The following DNAAF9 variants were observed in gnomAD, a reference collection of about 807,000 sequenced individuals.
The protein encoded by DNAAF9 is shulin.
In DNAAF9, 90 loss-of-function variants were observed where a neutral mutation model predicts 167.0. That is an observed-to-expected ratio of 0.54 (90% CI 0.45 to 0.64). The LOEUF (loss-of-function observed/expected upper bound fraction) is 0.64, where lower values mean the gene tolerates loss of function less well. DNAAF9 is among the 30% of genes least tolerant of loss of function. DNAAF9 has a pLI of 0.00. For synonymous variants in DNAAF9, 491 were observed against 508.8 expected (o/e 0.96, Z 0.47); for missense variants, 1,315 against 1,442.2 (o/e 0.91, Z 1.43).
chr20:3,285,367 G>A lies in DNAAF9; in HGVS notation c.2486+2265C>T, dbSNP rs2068833116. Among the ~76,000 whole-genome samples the A allele has an allele frequency of 2.0e-5, 3 of 150,974 alleles. No homozygotes were observed. The South Asian group carries it at 6.3e-4, about 32-fold the overall frequency. ...TTCGAGACCAGCCTGGGCAACATAG[G>A]GAGACCCATCTCTAAAAACAAAGGC... On this transcript the variant is annotated intron_variant, in intron 27 of 36. Transcript: ENST00000252032.
At chr20:3,258,585 G>A (rs1415387372) in intron 33 of DNAAF9, among the ~76,000 whole-genome samples, 1 of 152,086 alleles carries the variant, frequency 6.6e-6, no homozygotes, top group Non-Finnish European at 1.5e-5. Flanking sequence ...TCTCCTCATT[G>A]GCTGGATGCA....
rs386393120 is a variant in DNAAF9 at position 3,268,897 on chromosome 20, C to CTTTTTTTTTTTTTTTTTTTTTTTTTT, written c.2786+1529_2786+1530insAAAAAAAAAAAAAAAAAAAAAAAAAA. On this transcript the variant is annotated intron_variant, in intron 30 of 36. Coordinates refer to ENST00000252032, the MANE Select transcript of DNAAF9 (RefSeq NM_001009984.3). Reference sequence around the variant, plus strand: ...GTAAAGAGATAATATCTCTATGTTACTTTTTTTTTTTTTTTTTTTTTTTTG... The same window carrying CTTTTTTTTTTTTTTTTTTTTTTTTTT: ...GTAAAGAGATAATATCTCTATGTTACTTTTTTTTTTTTTTTTTTTTTTTTTTTTTTTTTTTTTTTTTTTTTTTTTTG... Among the ~76,000 whole-genome samples, 17 of 85,844 alleles carry CTTTTTTTTTTTTTTTTTTTTTTTTTT rather than the reference C, an allele frequency of 2.0e-4. 1 individual carries two copies. The highest frequency in any genetic ancestry group is 3.4e-4 in the Non-Finnish European group (16 of 46,588). 56.3% of individuals were successfully genotyped at this position (85,844 alleles called of 152,430 possible). A position where few individuals can be genotyped will look rare whatever the true frequency, so the allele number is the denominator to read the frequency against.
chr20:3,287,569 A>G, intron 27 of DNAAF9, 63 bp downstream of exon 27: 2 of 1,513,744 alleles, frequency 1.3e-6, no homozygotes, highest in African/African-American at 2.7e-5. Flanking sequence ...TACACATAAA[A>G]TAAGAGTAAT....
chr20:3,331,577 C>G (rs541341274), intron 11 of DNAAF9, among the ~76,000 whole-genome samples: 5 of 152,290 alleles, frequency 3.3e-5, no homozygotes, highest in African/African-American at 1.2e-4. Flanking sequence ...TCCTAAGTAC[C>G]CTTTTATTAT....
Position 3,318,184 on chromosome 20 carries a change from T to A in DNAAF9, c.1468+105A>T, listed in dbSNP as rs2123038410. The A allele has an allele frequency of 9.9e-6, 6 of 607,094 alleles. No homozygotes were observed. In the South Asian group the frequency reaches 1.2e-4, roughly 12 times the overall value. The allele number at this position is 607,094 out of a possible 1,614,324, so 37.6% of individuals were successfully genotyped here. On this transcript the variant is annotated intron_variant, in intron 17 of 36. Coordinates refer to ENST00000252032, the MANE Select transcript of DNAAF9 (RefSeq NM_001009984.3). ...GTGCTGTGATCATCAGTTCTAATATTTTTACCAGTTTATTGTTGGCCTTTT... is the reference window on the plus strand; with the variant it reads ...GTGCTGTGATCATCAGTTCTAATATATTTACCAGTTTATTGTTGGCCTTTT...
chr20:3,340,735 C>T, intron 9 of DNAAF9, 96 bp from the exon 10 acceptor site: 1 of 1,146,246 alleles, frequency 8.7e-7, no homozygotes, highest in Non-Finnish European at 1.3e-6. Context: ...TTCTGAGGGA[C>T]ACTTGCGGCC....
Position 3,407,013 on chromosome 20 carries a change from G to C in DNAAF9, c.83+462C>G, listed in dbSNP as rs117491314. ...TAATCCATTTGGGGGTTCTACACGA[G>C]GGAGCTATTGTGTGTGTGGAGGTGT... On this transcript the variant is annotated intron_variant, in intron 1 of 36. Transcript: ENST00000252032. Among the ~76,000 whole-genome samples the C allele has an allele frequency of 2.6e-3, 391 of 152,272 alleles. 4 individuals are homozygous for C. The highest frequency in any genetic ancestry group is 0.016 in the East Asian group (85 of 5,168).
At chr20:3,379,832 G>A (rs1338379795) in intron 3 of DNAAF9, among the ~76,000 whole-genome samples, 1 of 151,992 alleles carries the variant, frequency 6.6e-6, no homozygotes, top group Non-Finnish European at 1.5e-5. Context: ...AGGCCAAGGC[G>A]GGATCACCTG....
Position 3,374,229 on chromosome 20 carries a change from T to C in DNAAF9, c.506-75A>G, listed in dbSNP as rs891819825. On this transcript the variant is annotated intron_variant, in intron 5 of 36. Coordinates refer to ENST00000252032, the MANE Select transcript of DNAAF9 (RefSeq NM_001009984.3). ...ACAGTCTAAACCTGACCTAACATGGTTAGACAGGTATCATTTCTCACGTGG... is the reference window on the plus strand; with the variant it reads ...ACAGTCTAAACCTGACCTAACATGGCTAGACAGGTATCATTTCTCACGTGG... 6.3e-6 allele frequency: 6 copies of C among 949,386 alleles called. No individual in the cohort carries two copies. In the Admixed American group the frequency reaches 1.2e-4, roughly 18 times the overall value. 58.8% of individuals were successfully genotyped at this position (949,386 alleles called of 1,614,324 possible).
At chr20:3,400,896 C>G (rs2083973858) in intron 1 of DNAAF9, among the ~76,000 whole-genome samples, 1 of 152,200 alleles carries the variant, frequency 6.6e-6, no homozygotes, top group African/African-American at 2.4e-5. Context: ...TAAAGCCATA[C>G]AAGTCTAAGT....
chr20:3,295,508 A>C, intron 23 of DNAAF9: 2 of 284,728 alleles, frequency 7.0e-6, no homozygotes, highest in South Asian at 3.6e-5. Context: ...AAGCCCAAAC[A>C]CATTTTCTTG....
intron 20 of DNAAF9, among the ~76,000 whole-genome samples, chr20:3,310,641 C>T (rs543534157): frequency 6.0e-5 from 9 of 151,152 alleles, no homozygotes; most frequent in East Asian, 1.9e-4. Context: ...GCTGAGATTG[C>T]GCCACTGCAC....
intron 27 of DNAAF9, among the ~76,000 whole-genome samples, chr20:3,283,423 G>T (rs1303508207): frequency 3.3e-5 from 5 of 152,236 alleles, no homozygotes; most frequent in African/African-American, 2.4e-5. Flanking sequence ...GTAGAGAACG[G>T]GGTTTACTAG....
intron 30 of DNAAF9, among the ~76,000 whole-genome samples, chr20:3,268,063 T>C (rs1201642310): frequency 6.6e-6 from 1 of 151,846 alleles, no homozygotes; most frequent in Non-Finnish European, 1.5e-5. Flanking sequence ...AGTTTCATTC[T>C]TGTTGCCCAG....
intron 8 of DNAAF9, 124 bp from the exon 9 acceptor site, chr20:3,343,855 G>A (rs986412001): frequency 9.3e-6 from 6 of 645,534 alleles, no homozygotes; most frequent in Admixed American, 7.1e-5. Context: ...GTGTGTGTGT[G>A]TGTGCGTGTG....
chr20:3,270,328 T>C, intron 30 of DNAAF9, 99 bp downstream of exon 30: 2 of 1,162,474 alleles, frequency 1.7e-6, no homozygotes, highest in Admixed American at 1.8e-5. Context: ...CTTCTCCAAA[T>C]GTTTAGGTCT....
At chr20:3,296,191 C>T (rs1391515628) in intron 23 of DNAAF9, 3 of 556,442 alleles carry the variant, frequency 5.4e-6, no homozygotes, top group Non-Finnish European at 7.1e-6. Flanking sequence ...ATAACCTGAG[C>T]CTAGGAGGTC....
intron 10 of DNAAF9, 71 bp downstream of exon 10, chr20:3,340,433 T>TCCGGGGGGGCCCCCCCCCCCCCCCCCCC: frequency 4.5e-6 from 1 of 221,214 alleles, no homozygotes; most frequent in Non-Finnish European, 9.5e-6. Flanking sequence ...TTTGTCTAGC[T>TCCGGGGGGGCCCCCCCCCCCCCCCCCCC]CCCCCCACCC....
chr20:3,305,349 T>C (rs910521253), intron 20 of DNAAF9, among the ~76,000 whole-genome samples: 2 of 152,210 alleles, frequency 1.3e-5, no homozygotes, highest in Non-Finnish European at 2.9e-5. Flanking sequence ...CTGGGGCTGG[T>C]CCAAGCTGAA....
Sources: gnomAD v4.1 joint callset for allele counts (sites outside exome capture counted in the v4.1 genomes callset) on GRCh38, gnomAD v4.1.1 for gene constraint, MANE v1.5 for transcripts, NCBI Gene and HGNC (gene_info 2026-07-23, HGNC 2026-07-21) for gene names.